Variants in TENM3 observed in about 807,000 individuals in gnomAD.
TENM3 encodes teneurin transmembrane protein 3, also known as teneurin-3.
Under a neutral mutation model 255.1 loss-of-function variants are expected in TENM3, and 63 were observed. The observed-to-expected ratio is 0.25, with a 90% CI of 0.20 to 0.30. The LOEUF (loss-of-function observed/expected upper bound fraction) is 0.30. Ranked by LOEUF, TENM3 falls within the 10% of genes least tolerant of loss-of-function variation. The pLI is 1.00. For synonymous variants in TENM3, 1,306 were observed against 1,322.3 expected (o/e 0.99, Z 0.27); for missense variants, 2,929 against 3,461.1 (o/e 0.85, Z 3.86).
chr4:182,736,742 T>TA, intron 16 of TENM3, 66 bp from the exon 17 acceptor site: 2 of 1,404,870 alleles, frequency 1.4e-6, no homozygotes, highest in Non-Finnish European at 1.9e-6. Context: ...ATGTGCTACA[T>TA]AAATATATTT....
the TENM3 span, among the ~76,000 whole-genome samples, chr4:181,655,501 A>C: frequency 6.6e-6 from 1 of 152,208 alleles, no homozygotes; most frequent in African/African-American, 2.4e-5. Flanking sequence ...AAGAGAGAGC[A>C]TGCCTGTTCA....
In TENM3 at chr4:182,324,263, G is replaced by C. The variant is rs770601961; in HGVS notation, c.232+11G>C. 5.0e-6 allele frequency: 8 copies of C among 1,591,656 alleles called. No homozygotes were observed. The African/African-American group carries it at 9.4e-5, about 19-fold the overall frequency. On this transcript the variant is annotated intron_variant, in intron 2 of 27. Coordinates refer to ENST00000511685, the MANE Select transcript of TENM3 (RefSeq NM_001080477.4). ...AGTTCACTAGACAAGGTGGGTAACT[G>C]TCCTAGTAAAATAAGGCAATGCTCA... is the stretch of plus-strand genomic sequence containing the variant.
intron 5 of TENM3, among the ~76,000 whole-genome samples, chr4:182,644,633 A>C (rs569806981): frequency 4.6e-5 from 7 of 152,294 alleles, no homozygotes; most frequent in African/African-American, 1.4e-4. Context: ...CCTTCATAAA[A>C]TTTTACTGAT....
At position 182,504,411 on chromosome 4, in the gene TENM3, A is replaced by G. The variant is rs139161724; in HGVS notation, c.512-96513A>G. ...TGTGCTGGCTTTCATACAAATTACCAAATACAGATTTGATTGGGATGTTTC... is the reference window on the plus strand; with the variant it reads ...TGTGCTGGCTTTCATACAAATTACCGAATACAGATTTGATTGGGATGTTTC... On this transcript the variant is annotated intron_variant, in intron 3 of 27. Coordinates refer to ENST00000511685, the MANE Select transcript of TENM3 (RefSeq NM_001080477.4). 6.5e-4 allele frequency among the ~76,000 whole-genome samples: 99 copies of G among 151,290 alleles called. No individual in the cohort carries two copies. The Middle Eastern group carries it at 0.02, about 31-fold the overall frequency.
intron 4 of TENM3, among the ~76,000 whole-genome samples, chr4:182,612,746 GACAC>G (rs34378103): frequency 0.2 from 30,307 of 150,734 alleles, 3,586 homozygotes; most frequent in Non-Finnish European, 0.27. Context: ...AATACACACA[GACAC>G]ACACACACAC....
chr4:182,416,229 TGTTATTCAA>T (rs1272714696), intron 3 of TENM3, among the ~76,000 whole-genome samples: 10 of 152,172 alleles, frequency 6.6e-5, no homozygotes, highest in African/African-American at 2.2e-4. Context: ...CTGCTTAATG[TGTTATTCAA>T]GTTGAGTTGA....
chr4:181,556,923 C>G, the TENM3 span, among the ~76,000 whole-genome samples: 10 of 152,216 alleles, frequency 6.6e-5, no homozygotes, highest in African/African-American at 2.4e-4. Context: ...TGAAAGCTCT[C>G]CCAACTCTTT....
In TENM3 at chr4:182,472,557, T is replaced by C. The variant is rs79373744; in HGVS notation, c.511+125628T>C. Among the ~76,000 whole-genome samples, 289 of 152,348 alleles carry C rather than the reference T, an allele frequency of 1.9e-3. 4 individuals carry two copies. The East Asian group carries it at 0.048, about 25-fold the overall frequency. The stretch of plus-strand genomic sequence containing the variant: ...TTTCTTTGCCTCTTACATAGTGATC[T>C]TCAAACTTTTTGCTTACATACTCAC... On this transcript the variant is annotated intron_variant, in intron 3 of 27. Coordinates refer to ENST00000511685, the MANE Select transcript of TENM3 (RefSeq NM_001080477.4).
chr4:181,545,523 A>G, the TENM3 span, among the ~76,000 whole-genome samples: 1 of 152,192 alleles, frequency 6.6e-6, no homozygotes, highest in Non-Finnish European at 1.5e-5. Context: ...TTTTAAGTTA[A>G]GGATAATAGT....
chr4:182,474,519 A>G (rs950976177), intron 3 of TENM3, among the ~76,000 whole-genome samples: 8 of 152,130 alleles, frequency 5.3e-5, no homozygotes, highest in Non-Finnish European at 1.2e-4. Context: ...CAACTCAAAA[A>G]CTTCACACCC....
At chr4:182,594,686 GTGTGTGTGT>G (rs1747019504) in intron 3 of TENM3, among the ~76,000 whole-genome samples, 6 of 4,968 alleles carry the variant, frequency 1.2e-3, no homozygotes, top group Non-Finnish European at 2.5e-3. Flanking sequence ...TTGTTTTGGT[GTGTGTGTGT>G]GTGTGTGTGT....
intron 1 of TENM3, among the ~76,000 whole-genome samples, chr4:182,323,682 A>AT (rs924380314): frequency 6.0e-4 from 90 of 150,298 alleles, no homozygotes; most frequent in Middle Eastern, 3.4e-3. Flanking sequence ...TGAGCTTACA[A>AT]TTTTTTTTTT....
intron 1 of TENM3, among the ~76,000 whole-genome samples, chr4:182,209,063 G>A (rs1192929813): frequency 2.0e-5 from 3 of 151,316 alleles, no homozygotes; most frequent in African/African-American, 4.9e-5. Context: ...CCGCCTCTGC[G>A]TTCAAGCCAT....
the TENM3 span, among the ~76,000 whole-genome samples, chr4:181,552,860 A>G: frequency 6.6e-6 from 1 of 152,232 alleles, no homozygotes; most frequent in African/African-American, 2.4e-5. Context: ...GCTTATTTAC[A>G]AGAAGTTTGC....
chr4:182,196,883 C>T (rs1032793025), intron 1 of TENM3, among the ~76,000 whole-genome samples: 14 of 152,186 alleles, frequency 9.2e-5, no homozygotes, highest in Non-Finnish European at 2.1e-4. Context: ...AATTCCTGCA[C>T]TGGTCCTTCT....
At chr4:182,588,874 C>T (rs1581029486) in intron 3 of TENM3, among the ~76,000 whole-genome samples, 1 of 152,158 alleles carries the variant, frequency 6.6e-6, no homozygotes, top group East Asian at 1.9e-4. Flanking sequence ...TGAAATAGTT[C>T]AGAGTGCTTG....
chr4:182,754,792 C>G lies in TENM3; in HGVS notation c.4425C>G (p.Ser1475=), dbSNP rs1762612241. The G allele has an allele frequency of 1.2e-6, 2 of 1,613,964 alleles. No homozygotes were observed. Among genetic ancestry groups the G allele is most frequent in the African/African-American group, 2.7e-5 (2 of 74,956 alleles). Residue 1475 remains serine (S), a synonymous_variant, in exon 22 of 28, where the codon TCC becomes TCG. Transcript: ENST00000511685. This position sits in a 1 kb window ranked among gnomAD's most constrained non-coding sequence, Gnocchi z 5.1. ...AGGATGCCAAACTCAGTGCCCCATC[C>G]TCCCTGGCTGCTTCTCCAGATGGTA... ...YAKDAKLSAP[S]SLAASPDGTL... is the part of the protein sequence containing the mutation.
At chr4:182,485,025 A>G (rs1734564597) in intron 3 of TENM3, among the ~76,000 whole-genome samples, 1 of 152,166 alleles carries the variant, frequency 6.6e-6, no homozygotes, top group South Asian at 2.1e-4. Context: ...TTCATAGTTT[A>G]TTAATAATTC....
chr4:182,051,070 A>C, the TENM3 span, among the ~76,000 whole-genome samples: 127 of 152,024 alleles, frequency 8.4e-4, no homozygotes, highest in African/African-American at 3.1e-3. Context: ...AAGTCTGGGC[A>C]TGGTGGCTCA....
Sources: gnomAD v4.1 joint callset for allele counts (sites outside exome capture counted in the v4.1 genomes callset) on GRCh38, gnomAD v4.1.1 for gene constraint, Gnocchi (gnomAD v3.1) non-coding constraint, MANE v1.5 for transcripts, NCBI Gene and HGNC (gene_info 2026-07-23, HGNC 2026-07-21) for gene names.